Variants in RC3H2 observed in about 807,000 individuals in gnomAD.
The protein encoded by RC3H2 is roquin-2.
RC3H2 carries 31 observed loss-of-function variants against 133.3 expected under a neutral mutation model. The ratio of observed to expected loss-of-function variants is 0.23; its 90% CI spans 0.17 to 0.31. The LOEUF (loss-of-function observed/expected upper bound fraction) is 0.31, where lower values mean the gene tolerates loss of function less well. Ranked by LOEUF, RC3H2 falls within the 10% of genes least tolerant of loss-of-function variation. RC3H2 has a pLI of 1.00. For synonymous variants in RC3H2, 517 were observed against 502.2 expected, an observed-to-expected ratio of 1.03 and a Z score of -0.40; for missense variants, 1,175 against 1,437.2, an observed-to-expected ratio of 0.82 and a Z score of 2.95.
Position 122,905,097 on chromosome 9 carries a change from G to C in RC3H2, c.-68+13C>G. 1 of 985,308 alleles carries C rather than the reference G, an allele frequency of 1.0e-6. No individual in the cohort carries two copies. Among genetic ancestry groups the C allele is most frequent in the Non-Finnish European group, 1.2e-6 (1 of 829,872 alleles). The allele number at this position is 985,308 out of a possible 1,614,324, so 61.0% of individuals were successfully genotyped here. A position where few individuals can be genotyped will look rare whatever the true frequency, so the allele number is the denominator to read the frequency against. ...CTGGGGCCCGAGCCGCATCGTGCCC[G>C]CCCCCGCCCTACCTGAGGGGGCCCG... On this transcript the variant is annotated intron_variant, in intron 1 of 20. Coordinates refer to ENST00000357244, the MANE Select transcript of RC3H2 (RefSeq NM_001100588.3).
chr9:122,879,369 G>T (rs1444392778), intron 8 of RC3H2, among the ~76,000 whole-genome samples: 5 of 151,776 alleles, frequency 3.3e-5, no homozygotes, highest in African/African-American at 1.2e-4. Context: ...ACTCCAGCCT[G>T]GGTGACAGAG....
At chr9:122,891,077 T>C (rs964039772) in intron 3 of RC3H2, among the ~76,000 whole-genome samples, 7 of 133,542 alleles carry the variant, frequency 5.2e-5, no homozygotes, top group African/African-American at 1.7e-4. Context: ...TGGAGTGCAG[T>C]GGCACAATCT....
At chr9:122,854,773 G>C (rs1313478883) in intron 15 of RC3H2, among the ~76,000 whole-genome samples, 158 bp from the exon 16 acceptor site, 2 of 152,104 alleles carry the variant, frequency 1.3e-5, no homozygotes, top group Non-Finnish European at 2.9e-5. Flanking sequence ...TTAAATGGAG[G>C]GAAATGTTTT....
chr9:122,859,140 A>G (rs763395132), intron 11 of RC3H2, 38 bp from the exon 12 acceptor site: 5 of 1,452,250 alleles, frequency 3.4e-6, no homozygotes, highest in Non-Finnish European at 2.8e-6. Flanking sequence ...ATGTAATCTT[A>G]GTACAATCCA....
chr9:122,903,597 T>C lies in RC3H2; in HGVS notation c.-68+1513A>G, dbSNP rs187440017. The stretch of plus-strand genomic sequence containing the variant: ...AACAGATCAGGGGTAACTCAAAGGA[T>C]CCACTAATGAACACGAGTGTAATTA... On this transcript the variant is annotated intron_variant, in intron 1 of 20. Transcript: ENST00000357244. 3.6e-3 allele frequency among the ~76,000 whole-genome samples: 542 copies of C among 152,334 alleles called. 3 individuals are homozygous for C. Among genetic ancestry groups the C allele is most frequent in the African/African-American group, 0.012 (516 of 41,570 alleles).
intron 9 of RC3H2, 102 bp from the exon 10 acceptor site, chr9:122,865,759 C>G: frequency 1.0e-6 from 1 of 972,168 alleles, no homozygotes; most frequent in Non-Finnish European, 1.5e-6. Flanking sequence ...AAGGAGGAAA[C>G]AGTTTTGACA....
intron 1 of RC3H2, among the ~76,000 whole-genome samples, chr9:122,901,017 C>T (rs1832628919): frequency 1.3e-5 from 2 of 152,184 alleles, no homozygotes; most frequent in East Asian, 1.9e-4. Context: ...AAATTACAAA[C>T]TGCTTTATTA....
At chr9:122,865,768 CAAA>C in intron 9 of RC3H2, 111 bp from the exon 10 acceptor site, 1 of 859,734 alleles carries the variant, frequency 1.2e-6, no homozygotes, top group Non-Finnish European at 1.8e-6. Flanking sequence ...ACAGTTTTGA[CAAA>C]AAGTTTCTTC....
chr9:122,865,910 TC>T (rs1166480688), intron 9 of RC3H2, among the ~76,000 whole-genome samples: 3 of 138,954 alleles, frequency 2.2e-5, no homozygotes, highest in Non-Finnish European at 4.7e-5. Flanking sequence ...TATTTTTTTT[TC>T]CCCTCATGCC....
intron 9 of RC3H2, among the ~76,000 whole-genome samples, chr9:122,867,654 T>C (rs1004645620): frequency 3.8e-5 from 4 of 104,494 alleles, no homozygotes; most frequent in African/African-American, 7.3e-5. Flanking sequence ...GTCTGAGATG[T>C]GGGGAGCGCC....
intron 5 of RC3H2, among the ~76,000 whole-genome samples, chr9:122,882,391 T>C (rs1462306197): frequency 1.3e-5 from 2 of 152,246 alleles, no homozygotes; most frequent in East Asian, 3.8e-4. Flanking sequence ...AAACTAAGTG[T>C]TCTGCCAAAG....
At chr9:122,903,345 C>T (rs901674552) in intron 1 of RC3H2, among the ~76,000 whole-genome samples, 2 of 152,158 alleles carry the variant, frequency 1.3e-5, no homozygotes. Context: ...GTTACTAAAA[C>T]CTTGTTATGA....
chr9:122,875,242 C>T lies in RC3H2; in HGVS notation c.1325+2229G>A, dbSNP rs539804897. 105 of 1,551,162 alleles carry T rather than the reference C, an allele frequency of 6.8e-5. 2 individuals carry two copies. In the South Asian group the frequency reaches 9.6e-4, roughly 14 times the overall value. ...AAGAGAAGCATGTTTCTGCTCTTTT[C>T]ACTGCACACACACTTATCTTCTCTC... On this transcript the variant is annotated intron_variant, in intron 9 of 20. Transcript: ENST00000357244.
chr9:122,864,288 T>A (rs764047022), intron 10 of RC3H2, among the ~76,000 whole-genome samples: 1 of 152,160 alleles, frequency 6.6e-6, no homozygotes. Flanking sequence ...ACTTTTCAGA[T>A]AATCTGAAAA....
At chr9:122,884,118 C>A (rs1034965970) in intron 4 of RC3H2, among the ~76,000 whole-genome samples, 3 of 152,062 alleles carry the variant, frequency 2.0e-5, no homozygotes, top group Non-Finnish European at 2.9e-5. Flanking sequence ...CATGGTGAAA[C>A]CCCGCCTCTA....
chr9:122,879,717 G>A (rs1300745759), intron 8 of RC3H2, 38 bp downstream of exon 8: 1 of 1,358,484 alleles, frequency 7.4e-7, no homozygotes, highest in Non-Finnish European at 1.0e-6. Flanking sequence ...AACTGAGTTA[G>A]AGACAACAGC....
At chr9:122,884,890 G>A (rs920967159) in intron 4 of RC3H2, among the ~76,000 whole-genome samples, 1 of 151,752 alleles carries the variant, frequency 6.6e-6, no homozygotes, top group African/African-American at 2.4e-5. Context: ...AAAACAAATG[G>A]TCTGTATTCT....
Position 122,905,288 on chromosome 9 carries a change from C to T in RC3H2, c.-246G>A. On this transcript the variant is annotated 5_prime_UTR_variant, in exon 1 of 21. Transcript: ENST00000357244. ...GGCGGCGGCGAAGGCCGCGACGGGG[C>T]CTCCTCCTCCTCCCTCCACCTCCGC... The T allele has an allele frequency of 2.1e-6, 2 of 951,828 alleles. No homozygotes were observed. Among genetic ancestry groups the T allele is most frequent in the Non-Finnish European group, 2.5e-6 (2 of 798,750 alleles). 59.0% of individuals were successfully genotyped at this position (951,828 alleles called of 1,614,324 possible).
At chr9:122,856,233 T>C (rs1830243513) in intron 13 of RC3H2, among the ~76,000 whole-genome samples, 1 of 152,052 alleles carries the variant, frequency 6.6e-6, no homozygotes, top group African/African-American at 2.4e-5. Flanking sequence ...TCACAGTCCA[T>C]ATCCTAAAGG....
Sources: allele counts gnomAD v4.1 joint callset (sites outside exome capture counted in the v4.1 genomes callset), GRCh38; gene constraint gnomAD v4.1.1; transcripts MANE v1.5; gene names NCBI Gene and HGNC (gene_info 2026-07-23, HGNC 2026-07-21).